The following PRKCE variants were observed in gnomAD, a reference collection of about 807,000 sequenced individuals.
PRKCE encodes the protein protein kinase C epsilon.
A neutral mutation model predicts 85.4 loss-of-function variants in PRKCE; 16 were observed. The ratio of observed to expected loss-of-function variants is 0.19; its 90% CI spans 0.13 to 0.28. The LOEUF (loss-of-function observed/expected upper bound fraction) is 0.28. Among genes scored for constraint, PRKCE ranks in the 10% least tolerant of loss-of-function variants. PRKCE has a pLI of 1.00. For missense variants in PRKCE, 573 were observed against 975.2 expected (o/e 0.59, Z 5.49); for synonymous variants, 388 against 371.5 (o/e 1.04, Z -0.51).
chr2:46,179,112 G>C (rs557499221), intron 14 of PRKCE, among the ~76,000 whole-genome samples: 137 of 152,278 alleles, frequency 9.0e-4, no homozygotes, highest in Middle Eastern at 3.4e-3. Context: ...GGGGAAGGCA[G>C]GGACCAATAA....
In PRKCE at chr2:46,159,488, A is replaced by G; in HGVS notation, c.1921-118A>G. On this transcript the variant is annotated intron_variant, in intron 13 of 14. Transcript: ENST00000306156. The surrounding 1 kb of genome is among the most constrained non-coding windows in gnomAD (Gnocchi z 4.1). ...ACAGATGTGGCCCTTGAAAGTGCAA[A>G]GAACAGACTTGGGAGGCGATGCTGA... The G allele has an allele frequency of 9.0e-7, 1 of 1,112,266 alleles. No homozygotes were observed. Among genetic ancestry groups the G allele is most frequent in the South Asian group, 1.7e-5 (1 of 57,610 alleles). 68.9% of individuals were successfully genotyped at this position (1,112,266 alleles called of 1,614,324 possible).
At chr2:46,170,266 A>G (rs1262318808) in intron 14 of PRKCE, among the ~76,000 whole-genome samples, 5 of 152,092 alleles carry the variant, frequency 3.3e-5, no homozygotes, top group Non-Finnish European at 1.5e-5. Flanking sequence ...TCTTTTCTAG[A>G]GTTTCTTATA....
At chr2:46,085,932 C>A (rs1389737475) in intron 10 of PRKCE, among the ~76,000 whole-genome samples, 1 of 152,144 alleles carries the variant, frequency 6.6e-6, no homozygotes, top group East Asian at 1.9e-4. Context: ...AATCAAAGAT[C>A]CAGGTCTCCT....
At chr2:46,156,822 G>A (rs1245939444) in intron 13 of PRKCE, among the ~76,000 whole-genome samples, 1 of 152,144 alleles carries the variant, frequency 6.6e-6, no homozygotes, top group Non-Finnish European at 1.5e-5. Context: ...CATAAAATCA[G>A]ATACAGTGAA....
At position 46,007,603 on chromosome 2, in the gene PRKCE, G is replaced by T. The variant is rs773673004; in HGVS notation, c.1205G>T (p.Arg402Leu). The change falls in exon 9 of 15, where the codon CGC (arginine) becomes CTC (leucine). Residue 402 changes from arginine (R) to leucine (L), a missense_variant. Transcript: ENST00000306156. ...GAAGTCCGGCAAGGCCAGGCCAAGC[G>T]CCTGGGCCTGGATGAGTTCAACTTC... ...NGEVRQGQAK[R>L]LGLDEFNFIK... 1 of 1,599,776 alleles carries T rather than the reference G, an allele frequency of 6.3e-7. No individual in the cohort carries two copies. Among genetic ancestry groups the T allele is most frequent in the South Asian group, 1.1e-5 (1 of 91,084 alleles).
At chr2:46,030,622 A>G (rs1023893095) in intron 10 of PRKCE, among the ~76,000 whole-genome samples, 1 of 152,170 alleles carries the variant, frequency 6.6e-6, no homozygotes, top group Non-Finnish European at 1.5e-5. Flanking sequence ...GATGCATAAG[A>G]TCTAAAGCTG....
At chr2:45,715,563 C>T (rs894464260) in intron 1 of PRKCE, among the ~76,000 whole-genome samples, 3 of 152,220 alleles carry the variant, frequency 2.0e-5, no homozygotes, top group East Asian at 3.8e-4. Context: ...GACTCCTGCT[C>T]ATCTCTCCCA....
chr2:45,914,157 A>G (rs1697582137), intron 2 of PRKCE, among the ~76,000 whole-genome samples: 2 of 152,266 alleles, frequency 1.3e-5, no homozygotes, highest in Admixed American at 1.3e-4. Context: ...AGCATACAAT[A>G]TCATGCTAGG....
At chr2:45,744,500 T>TTTTCTTTCTTTC (rs1173068102) in intron 1 of PRKCE, among the ~76,000 whole-genome samples, 3 of 84,722 alleles carry the variant, frequency 3.5e-5, no homozygotes, top group African/African-American at 1.7e-4. Context: ...TCTTTCTTTC[T>TTTTCTTTCTTTC]TTTCTTTCTT....
intron 1 of PRKCE, among the ~76,000 whole-genome samples, chr2:45,661,530 G>GT (rs11406618): frequency 0.098 from 10,266 of 104,510 alleles, 906 homozygotes; most frequent in African/African-American, 0.2. Context: ...TTTGTTTTTT[G>GT]TTTTTTTTTT....
intron 6 of PRKCE, among the ~76,000 whole-genome samples, chr2:45,999,000 C>T (rs1178676239): frequency 6.6e-6 from 1 of 152,108 alleles, no homozygotes; most frequent in African/African-American, 2.4e-5. Flanking sequence ...TGTCTCATTA[C>T]TATCATTTAT....
chr2:45,944,921 T>C (rs141860826), intron 2 of PRKCE, among the ~76,000 whole-genome samples: 124 of 152,274 alleles, frequency 8.1e-4, no homozygotes, highest in African/African-American at 2.8e-3. Context: ...GAGGTGGCCC[T>C]AGGTAGAGTG....
At chr2:45,877,214 C>G (rs991275422) in intron 2 of PRKCE, among the ~76,000 whole-genome samples, 10 of 152,284 alleles carry the variant, frequency 6.6e-5, no homozygotes, top group Non-Finnish European at 1.5e-4. Flanking sequence ...CAATCTGTTA[C>G]TCTTTTAAAG....
chr2:45,820,623 A>G (rs965473804), intron 1 of PRKCE, among the ~76,000 whole-genome samples: 1 of 152,104 alleles, frequency 6.6e-6, no homozygotes, highest in Non-Finnish European at 1.5e-5. Flanking sequence ...TAACTTTGCT[A>G]TTTGGAAGTG....
intron 1 of PRKCE, among the ~76,000 whole-genome samples, chr2:45,761,054 A>G (rs184184584): frequency 6.3e-4 from 96 of 152,132 alleles, no homozygotes; most frequent in African/African-American, 1.2e-3. Context: ...AAGGCCGGGC[A>G]TGGTGGCTCA....
chr2:45,820,556 A>G (rs966736598), intron 1 of PRKCE, among the ~76,000 whole-genome samples: 9 of 152,114 alleles, frequency 5.9e-5, no homozygotes, highest in Admixed American at 5.2e-4. Flanking sequence ...GAAGGATGTT[A>G]AATGTCAGCA....
intron 2 of PRKCE, among the ~76,000 whole-genome samples, chr2:45,935,064 C>CTT (rs1699333314): frequency 9.5e-6 from 1 of 105,678 alleles, no homozygotes; most frequent in South Asian, 3.6e-4. Flanking sequence ...CTCACTCTCT[C>CTT]TCTCACACAC....
In PRKCE at chr2:46,039,752, T is replaced by C. The variant is rs138944770; in HGVS notation, c.1437+29235T>C. Among the ~76,000 whole-genome samples the C allele has an allele frequency of 5.5e-3, 833 of 152,330 alleles. 6 individuals carry two copies. The highest frequency in any genetic ancestry group is 0.019 in the African/African-American group (806 of 41,568). ...AGTTCAGGATGACGATATTGACATT[T>C]GGGCTAAGGCATATACGAGGCTCTT... On this transcript the variant is annotated intron_variant, in intron 10 of 14. Coordinates refer to ENST00000306156, the MANE Select transcript of PRKCE (RefSeq NM_005400.3).
intron 1 of PRKCE, among the ~76,000 whole-genome samples, chr2:45,657,785 G>A (rs1329684297): frequency 1.3e-5 from 2 of 152,134 alleles, no homozygotes; most frequent in Non-Finnish European, 2.9e-5. Context: ...TTTGGACTCT[G>A]GGAGATAGGC....
Sources: allele counts gnomAD v4.1 joint callset (sites outside exome capture counted in the v4.1 genomes callset), GRCh38; gene constraint gnomAD v4.1.1; non-coding constraint Gnocchi (gnomAD v3.1); transcripts MANE v1.5; gene names NCBI Gene and HGNC (gene_info 2026-07-23, HGNC 2026-07-21).